Variants in MAGEA12 observed in about 807,000 individuals in gnomAD.
MAGEA12 encodes MAGE family member A12.
For missense variants in MAGEA12, 235 were observed against 240.1 expected (o/e 0.98, Z 0.14); for synonymous variants, 135 against 104.7 (o/e 1.29, Z -1.77).
intron 2 of MAGEA12, among the ~76,000 whole-genome samples, chrX:152,735,802 A>T (rs1932303725): frequency 8.9e-6 from 1 of 111,866 alleles, no homozygotes. Flanking sequence ...CTGTACTTGC[A>T]GTCTGCACCC....
rs782175662 is a variant in MAGEA12 at position 152,736,953 on chromosome X, T to C, written c.792T>C (p.Ser264=). 2 of 1,212,043 alleles carry C rather than the reference T, an allele frequency of 1.7e-6. No individual in the cohort carries two copies. The highest frequency in any genetic ancestry group is 3.0e-5 in the East Asian group (1 of 33,849). ...NYLEYRQVPG[S]DPACYEFLWG... is the part of the protein sequence containing the mutation. ...TGGAGTACCGGCAGGTCCCCGGCAGTGATCCTGCATGCTACGAGTTCCTGT... is the reference window on the plus strand; with the variant it reads ...TGGAGTACCGGCAGGTCCCCGGCAGCGATCCTGCATGCTACGAGTTCCTGT... The change falls in exon 3 of 3, where the codon AGT becomes AGC. Residue 264 remains serine (S), a synonymous_variant. Coordinates refer to ENST00000393869, the MANE Select transcript of MAGEA12 (RefSeq NM_001166387.4).
chrX:152,733,955 G>A (rs1451040498), intron 1 of MAGEA12, 96 bp downstream of exon 1: 1 of 110,129 alleles, frequency 9.1e-6, no homozygotes, highest in Non-Finnish European at 1.9e-5. Flanking sequence ...GGACCACCCT[G>A]CAGGGGAAGA....
At chrX:152,734,955 G>A (rs1441393354) in intron 1 of MAGEA12, among the ~76,000 whole-genome samples, 193 bp from the exon 2 acceptor site, 1 of 112,302 alleles carries the variant, frequency 8.9e-6, no homozygotes, top group Non-Finnish European at 1.9e-5. Context: ...AGGGAGATAA[G>A]GTGTTGGTGT....
chrX:152,737,038 A>G lies in MAGEA12; in HGVS notation c.877A>G (p.Ile293Val). Residue 293 changes from isoleucine to valine, a missense_variant, in exon 3 of 3, where the codon ATC (isoleucine) becomes GTC (valine). Coordinates refer to ENST00000393869, the MANE Select transcript of MAGEA12 (RefSeq NM_001166387.4). ...GAAAGTCCTGCACCATTTGCTAAAG[A>G]TCAGTGGAGGACCTCACATTTCCTA... ...YVKVLHHLLKISGGPHISYPP... is the reference protein window; with the variant it reads ...YVKVLHHLLKVSGGPHISYPP... 1 of 1,211,696 alleles carries G rather than the reference A, an allele frequency of 8.3e-7. No individual in the cohort carries two copies. The highest frequency in any genetic ancestry group is 1.1e-6 in the Non-Finnish European group (1 of 895,515).
chrX:152,736,206 C>T lies in MAGEA12; in HGVS notation c.45C>T (p.Gly15=). 1 of 1,211,704 alleles carries T rather than the reference C, an allele frequency of 8.3e-7. No homozygotes were observed. Among genetic ancestry groups the T allele is most frequent in the Non-Finnish European group, 1.1e-6 (1 of 895,485 alleles). The stretch of plus-strand genomic sequence containing the variant: ...GTCAGCACTGCAAGCCTGAGGAAGG[C>T]CTTGAGGCCCAAGGAGAGGCCCTGG... ...QRSQHCKPEE[G]LEAQGEALGL... Residue 15 remains glycine, a synonymous_variant, in exon 3 of 3, where the codon GGC becomes GGT. Transcript: ENST00000393869.
At position 152,735,253 on chromosome X, in the gene MAGEA12, G is replaced by C. The variant is rs782664335; in HGVS notation, c.-76G>C. On this transcript the variant is annotated splice_region_variant and 5_prime_UTR_variant, in exon 2 of 3. Transcript: ENST00000393869. ...GGTCCTAAGATCTACCAAGCATCCAGGTGAGAAGCCTGAGGTAGGATTGAG... is the reference window on the plus strand; with the variant it reads ...GGTCCTAAGATCTACCAAGCATCCACGTGAGAAGCCTGAGGTAGGATTGAG... The C allele has an allele frequency of 4.1e-5, 5 of 121,575 alleles. No individual in the cohort carries two copies. The highest frequency in any genetic ancestry group is 1.6e-4 in the African/African-American group (5 of 31,066). The allele number at this position is 121,575 out of a possible 1,213,427, so 10.0% of individuals were successfully genotyped here.
In MAGEA12 at chrX:152,737,438, ATCCAT is replaced by A. The variant is rs1448069438; in HGVS notation, c.*339_*343del. 4.9e-5 allele frequency: 18 copies of A among 368,688 alleles called. No individual in the cohort carries two copies. The allele number at this position is 368,688 out of a possible 1,213,427, so 30.4% of individuals were successfully genotyped here. The stretch of plus-strand genomic sequence containing the variant: ...TGTTGTTTTTTATTCAGATTGGGAA[ATCCAT>A]TCCATTTTGTGAATTGTGACAAATA... On this transcript the variant is annotated 3_prime_UTR_variant, in exon 3 of 3. Coordinates refer to ENST00000393869, the MANE Select transcript of MAGEA12 (RefSeq NM_001166387.4).
intron 1 of MAGEA12, chrX:152,734,085 C>A (rs1376283060): frequency 9.1e-6 from 1 of 110,359 alleles, no homozygotes; most frequent in African/African-American, 3.3e-5. Flanking sequence ...GCTCAGGGCC[C>A]AGACTCAGCC....
Position 152,737,029 on chromosome X carries a change from T to A in MAGEA12, c.868T>A (p.Leu290Met), listed in dbSNP as rs782609632. The change falls in exon 3 of 3, where the codon TTG becomes ATG. Residue 290 changes from leucine (L) to methionine (M), a missense_variant. Physicochemically the swap from Leu to Met is conservative, Grantham distance 15 (BLOSUM62 2). Transcript: ENST00000393869. ...CAGCTATGTGAAAGTCCTGCACCATTTGCTAAAGATCAGTGGAGGACCTCA... is the reference window on the plus strand; with the variant it reads ...CAGCTATGTGAAAGTCCTGCACCATATGCTAAAGATCAGTGGAGGACCTCA... ...ETSYVKVLHHLLKISGGPHIS... is the reference protein window; with the variant it reads ...ETSYVKVLHHMLKISGGPHIS... The A allele has an allele frequency of 1.6e-5, 19 of 1,210,028 alleles. No homozygotes were observed. The highest frequency in any genetic ancestry group is 4.4e-5 in the Admixed American group (2 of 45,784).
In MAGEA12 at chrX:152,737,365, A is replaced by G; in HGVS notation, c.*259A>G. On this transcript the variant is annotated 3_prime_UTR_variant, in exon 3 of 3. Transcript: ENST00000393869. ...TGAACTTCAGCATCCAAGTTTATGA[A>G]TGACAGTAGTCACACATAGTGCTGT... 2 of 488,193 alleles carry G rather than the reference A, an allele frequency of 4.1e-6. No individual in the cohort carries two copies. Among genetic ancestry groups the G allele is most frequent in the Non-Finnish European group, 7.7e-6 (2 of 261,119 alleles). 40.2% of individuals were successfully genotyped at this position (488,193 alleles called of 1,213,427 possible). A position where few individuals can be genotyped will look rare whatever the true frequency, so the allele number is the denominator to read the frequency against.
intron 2 of MAGEA12, among the ~76,000 whole-genome samples, chrX:152,735,875 G>C (rs1427676756): frequency 8.9e-6 from 1 of 112,357 alleles, no homozygotes; most frequent in Non-Finnish European, 1.9e-5. Context: ...TGAGGCCTTG[G>C]TCTGAGGCAG....
rs1341417325 is a variant in MAGEA12 at position 152,737,583 on chromosome X, A to G, written c.*477A>G. ...TAATTCTTGCCTTATACCTCACTCT[A>G]TTCTGTAAATTTGAAAAAAAAGCAT... On this transcript the variant is annotated 3_prime_UTR_variant, in exon 3 of 3. Transcript: ENST00000393869. The G allele has an allele frequency of 2.3e-5, 4 of 174,560 alleles. No homozygotes were observed. The highest frequency in any genetic ancestry group is 4.5e-5 in the Non-Finnish European group (4 of 88,174). The allele number at this position is 174,560 out of a possible 1,213,427, so 14.4% of individuals were successfully genotyped here. A position where few individuals can be genotyped will look rare whatever the true frequency, so the allele number is the denominator to read the frequency against.
intron 2 of MAGEA12, among the ~76,000 whole-genome samples, 187 bp downstream of exon 2, chrX:152,735,440 C>G (rs1275829834): frequency 9.0e-6 from 1 of 111,486 alleles, no homozygotes; most frequent in Non-Finnish European, 1.9e-5. Context: ...AGGGGCTGCA[C>G]TCAGGTCAGT....
intron 2 of MAGEA12, among the ~76,000 whole-genome samples, chrX:152,735,454 G>T (rs2233052): frequency 9.1e-5 from 10 of 110,308 alleles, no homozygotes; most frequent in South Asian, 3.9e-4. Flanking sequence ...GGTCAGTAGA[G>T]GGAGGCTCTC....
Position 152,737,575 on chromosome X carries a change from C to A in MAGEA12, c.*469C>A. 1 of 193,581 alleles carries A rather than the reference C, an allele frequency of 5.2e-6. No homozygotes were observed. Among genetic ancestry groups the A allele is most frequent in the Non-Finnish European group, 1.0e-5 (1 of 99,278 alleles). 16.0% of individuals were successfully genotyped at this position (193,581 alleles called of 1,213,427 possible). On this transcript the variant is annotated 3_prime_UTR_variant, in exon 3 of 3. Coordinates refer to ENST00000393869, the MANE Select transcript of MAGEA12 (RefSeq NM_001166387.4). ...AAGATACTTAATTCTTGCCTTATAC[C>A]TCACTCTATTCTGTAAATTTGAAAA...
chrX:152,736,005 C>A, intron 2 of MAGEA12, 82 bp from the exon 3 acceptor site: 1 of 576,044 alleles, frequency 1.7e-6, no homozygotes, highest in Non-Finnish European at 2.8e-6. Context: ...CGCCTGGCCT[C>A]ACCCTCCCTA....
At chrX:152,735,061 A>T (rs1932277903) in intron 1 of MAGEA12, 87 bp from the exon 2 acceptor site, 1 of 112,421 alleles carries the variant, frequency 8.9e-6, no homozygotes, top group Non-Finnish European at 1.9e-5. Flanking sequence ...AGGCCATCAG[A>T]AGCCTCACCC....
At position 152,737,208 on chromosome X, in the gene MAGEA12, G is replaced by C; in HGVS notation, c.*102G>C. 2 of 844,051 alleles carry C rather than the reference G, an allele frequency of 2.4e-6. No individual in the cohort carries two copies. Among genetic ancestry groups the C allele is most frequent in the Admixed American group, 4.7e-5 (2 of 42,835 alleles). The allele number at this position is 844,051 out of a possible 1,213,427, so 69.6% of individuals were successfully genotyped here. A position where few individuals can be genotyped will look rare whatever the true frequency, so the allele number is the denominator to read the frequency against. On this transcript the variant is annotated 3_prime_UTR_variant, in exon 3 of 3. Transcript: ENST00000393869. The stretch of plus-strand genomic sequence containing the variant: ...TTTCCACTGCCTCGTGTGACATGAG[G>C]CCCATTCTTCACTCTTTGAAGAGAG...
chrX:152,736,470 G>A lies in MAGEA12; in HGVS notation c.309G>A (p.Thr103=), dbSNP rs1340930464. Residue 103 remains threonine (T), a synonymous_variant, in exon 3 of 3, where the codon ACG becomes ACA. Transcript: ENST00000393869. ...EGPSTFPDLE[T]SFQVALSRKM... is the part of the protein sequence containing the mutation. ...CAAGCACCTTTCCTGACCTGGAGACGAGCTTCCAAGTAGCACTCAGTAGGA... is the reference window on the plus strand; with the variant it reads ...CAAGCACCTTTCCTGACCTGGAGACAAGCTTCCAAGTAGCACTCAGTAGGA... 4 of 1,211,825 alleles carry A rather than the reference G, an allele frequency of 3.3e-6. No individual in the cohort carries two copies. The highest frequency in any genetic ancestry group is 1.8e-5 in the South Asian group (1 of 56,969).
Sources: gnomAD v4.1 joint callset for allele counts (sites outside exome capture counted in the v4.1 genomes callset) on GRCh38, gnomAD v4.1.1 for gene constraint, MANE v1.5 for transcripts, NCBI Gene and HGNC (gene_info 2026-07-23, HGNC 2026-07-21) for gene names.